ADAMTS14: variants seen among roughly 807,000 people sequenced by gnomAD.
The protein encoded by ADAMTS14 is ADAM metallopeptidase with thrombospondin type 1 motif 14.
Under a neutral mutation model 128.6 loss-of-function variants are expected in ADAMTS14, and 100 were observed. The ratio of observed to expected loss-of-function variants is 0.78; its 90% CI spans 0.66 to 0.92. The LOEUF (loss-of-function observed/expected upper bound fraction) is 0.92, where lower values mean the gene tolerates loss of function less well. Among genes scored for constraint, ADAMTS14 ranks in the 40% least tolerant of loss-of-function variants. The pLI is 0.00. For missense variants in ADAMTS14, 1,562 were observed against 1,658.6 expected (o/e 0.94, Z 1.01); for synonymous variants, 665 against 653.8 (o/e 1.02, Z -0.26).
intron 7 of ADAMTS14, 43 bp from the exon 8 acceptor site, chr10:70,733,842 G>T (rs1444702062): frequency 6.4e-7 from 1 of 1,573,658 alleles, no homozygotes; most frequent in Non-Finnish European, 8.7e-7. Context: ...CCCGGGGCAG[G>T]CTCCTGGGAT....
chr10:70,676,794 T>C (rs1402463521), intron 2 of ADAMTS14, among the ~76,000 whole-genome samples: 1 of 152,124 alleles, frequency 6.6e-6, no homozygotes, highest in Non-Finnish European at 1.5e-5. Flanking sequence ...TCCCAAGTGA[T>C]GTTAGGAATC....
Position 70,753,900 on chromosome 10 carries a change from C to T in ADAMTS14, c.2830C>T (p.His944Tyr), listed in dbSNP as rs1167450015. The T allele has an allele frequency of 3.1e-6, 5 of 1,592,120 alleles. No homozygotes were observed. The East Asian group carries it at 1.1e-4, about 36-fold the overall frequency. The change falls in exon 19 of 22, where the codon CAC (histidine) becomes TAC (tyrosine). Residue 944 changes from histidine (H) to tyrosine (Y), a missense_variant. His to Tyr is a moderately conservative substitution (Grantham distance 83, BLOSUM62 2). Coordinates refer to ENST00000373207, the MANE Select transcript of ADAMTS14 (RefSeq NM_080722.4). Reference sequence around the variant, plus strand: ...CCTGCTGCCCCTCTCCAATGGAACCCACAAGGTCATGCCGGCCAAAGCCTG... The same window carrying T: ...CCTGCTGCCCCTCTCCAATGGAACCTACAAGGTCATGCCGGCCAAAGCCTG... ...QCLLPLSNGT[H>Y]KVMPAKACAG...
chr10:70,757,633 G>T (rs1360445937), intron 19 of ADAMTS14, among the ~76,000 whole-genome samples: 2 of 152,190 alleles, frequency 1.3e-5, no homozygotes, highest in African/African-American at 4.8e-5. Flanking sequence ...GTGCATGCAG[G>T]TGGTAGTAGG....
At chr10:70,719,465 G>A (rs1312118911) in intron 4 of ADAMTS14, among the ~76,000 whole-genome samples, 2 of 151,628 alleles carry the variant, frequency 1.3e-5, no homozygotes, top group Non-Finnish European at 2.9e-5. Context: ...GCAGTGGTGC[G>A]ATCATGGCTC....
intron 2 of ADAMTS14, among the ~76,000 whole-genome samples, chr10:70,691,655 C>T (rs1409939238): frequency 6.6e-6 from 1 of 152,136 alleles, no homozygotes; most frequent in East Asian, 1.9e-4. Flanking sequence ...GCACTATGGA[C>T]CCCCAGCTTG....
At chr10:70,713,382 C>A (rs76206733) in intron 4 of ADAMTS14, among the ~76,000 whole-genome samples, 9,970 of 152,040 alleles carry the variant, frequency 0.066, 436 homozygotes, top group East Asian at 0.16. Flanking sequence ...GGTGACAGAT[C>A]CAGCTCACAC....
At chr10:70,728,758 C>A (rs1841524623) in intron 4 of ADAMTS14, among the ~76,000 whole-genome samples, 1 of 152,230 alleles carries the variant, frequency 6.6e-6, no homozygotes, top group Non-Finnish European at 1.5e-5. Flanking sequence ...GGGTGGGGCC[C>A]AAGACTCTGC....
At chr10:70,745,916 G>A (rs1409742614) in intron 15 of ADAMTS14, among the ~76,000 whole-genome samples, 1 of 152,146 alleles carries the variant, frequency 6.6e-6, no homozygotes, top group Non-Finnish European at 1.5e-5. Flanking sequence ...GTCCTCAACA[G>A]GCTAACCCAG....
In ADAMTS14 at chr10:70,690,837, G is replaced by C. The variant is rs1403308259; in HGVS notation, c.523-11475G>C. ...CCGCTCCTCCGCTCAGGGCCTGGCA[G>C]CCACACCGCCTGCTGGCACTTGAGG... On this transcript the variant is annotated intron_variant, in intron 2 of 21. Coordinates refer to ENST00000373207, the MANE Select transcript of ADAMTS14 (RefSeq NM_080722.4). 1.4e-5 allele frequency among the ~76,000 whole-genome samples: 2 copies of C among 145,238 alleles called. 1 individual carries two copies. The highest frequency in any genetic ancestry group is 3.2e-5 in the Non-Finnish European group (2 of 63,450).
Position 70,760,721 on chromosome 10 carries a change from C to A in ADAMTS14, c.3540C>A (p.Ser1180=). The change falls in exon 22 of 22, where the codon TCC becomes TCA. Residue 1180 remains serine, a synonymous_variant. Coordinates refer to ENST00000373207, the MANE Select transcript of ADAMTS14 (RefSeq NM_080722.4). ...TPIPGASWSI[S]PTTPGGLPWG... is the part of the protein sequence containing the mutation. ...TCCCTGGAGCATCCTGGAGCATCTC[C>A]CCTACCACCCCCGGGGGGCTGCCTT... 1 of 1,614,102 alleles carries A rather than the reference C, an allele frequency of 6.2e-7. No homozygotes were observed. Among genetic ancestry groups the A allele is most frequent in the Non-Finnish European group, 8.5e-7 (1 of 1,180,000 alleles).
chr10:70,686,076 G>A (rs2132547242), intron 2 of ADAMTS14, among the ~76,000 whole-genome samples: 1 of 152,266 alleles, frequency 6.6e-6, no homozygotes, highest in Admixed American at 6.5e-5. Context: ...CTGCTGTTAT[G>A]TACACATTAC....
At chr10:70,722,832 C>T (rs940131806) in intron 4 of ADAMTS14, among the ~76,000 whole-genome samples, 3 of 152,126 alleles carry the variant, frequency 2.0e-5, no homozygotes, top group African/African-American at 7.2e-5. Flanking sequence ...AATAAATAAA[C>T]GAAGAAGGGA....
At chr10:70,684,068 G>C (rs1839888620) in intron 2 of ADAMTS14, among the ~76,000 whole-genome samples, 2 of 151,976 alleles carry the variant, frequency 1.3e-5, no homozygotes, top group African/African-American at 4.8e-5. Flanking sequence ...TACTGGGGAG[G>C]CCTGAGGAAA....
At chr10:70,702,182 G>A (rs1439321183) in intron 2 of ADAMTS14, 130 bp from the exon 3 acceptor site, 1 of 1,346,850 alleles carries the variant, frequency 7.4e-7, no homozygotes, top group African/African-American at 1.5e-5. Flanking sequence ...GGCTCCTCAA[G>A]GTCCTGGAGG....
rs140574723 is a variant in ADAMTS14 at position 70,736,757 on chromosome 10, G to T, written c.1563G>T (p.Gly521=). Residue 521 remains glycine (G), a synonymous_variant, in exon 10 of 22, where the codon GGG becomes GGT. Coordinates refer to ENST00000373207, the MANE Select transcript of ADAMTS14 (RefSeq NM_080722.4). ...DNPYFCKTKK[G]PPLDGTECAP... ...CGTACTTCTGCAAGACCAAGAAGGG[G>T]CCCCCGCTGGATGGGACTGAGTGTG... is the stretch of plus-strand genomic sequence containing the variant. 1.7e-5 allele frequency: 27 copies of T among 1,613,682 alleles called. No individual in the cohort carries two copies. The highest frequency in any genetic ancestry group is 3.3e-4 in the Middle Eastern group (2 of 6,080).
At chr10:70,730,875 G>A (rs1362195887) in intron 6 of ADAMTS14, among the ~76,000 whole-genome samples, 1 of 152,180 alleles carries the variant, frequency 6.6e-6, no homozygotes, top group African/African-American at 2.4e-5. Context: ...GAGCCATGGG[G>A]TGGTGAAGAG....
chr10:70,702,400 A>T lies in ADAMTS14; in HGVS notation c.611A>T (p.His204Leu), dbSNP rs1204244207. ...GAGAAGGAGGCCAGCGGGAGGACACATGTGGTGTACCGCCGGGAGGCCGTC... is the reference window on the plus strand; with the variant it reads ...GAGAAGGAGGCCAGCGGGAGGACACTTGTGGTGTACCGCCGGGAGGCCGTC... Reference protein sequence around the residue: ...QQEKEASGRTHVVYRREAVQQ... With the variant: ...QQEKEASGRTLVVYRREAVQQ... The change falls in exon 3 of 22, where the codon CAT becomes CTT. Residue 204 changes from histidine to leucine, a missense_variant. By Grantham distance (99) the His-to-Leu change is moderately conservative (BLOSUM62 -3). Transcript: ENST00000373207. 1 of 1,613,914 alleles carries T rather than the reference A, an allele frequency of 6.2e-7. No homozygotes were observed. The highest frequency in any genetic ancestry group is 8.5e-7 in the Non-Finnish European group (1 of 1,179,994).
At chr10:70,710,665 GC>G (rs1279358660) in intron 4 of ADAMTS14, among the ~76,000 whole-genome samples, 2 of 152,230 alleles carry the variant, frequency 1.3e-5, no homozygotes, top group Admixed American at 6.5e-5. Flanking sequence ...GACTTTGGGG[GC>G]GAGTTACGAA....
At chr10:70,674,373 A>T (rs938044567) in intron 1 of ADAMTS14, among the ~76,000 whole-genome samples, 183 bp from the exon 2 acceptor site, 1 of 152,186 alleles carries the variant, frequency 6.6e-6, no homozygotes, top group South Asian at 2.1e-4. Flanking sequence ...AACACCCTTC[A>T]TCCAAGTGTA....
Sources: gnomAD v4.1 joint callset for allele counts (sites outside exome capture counted in the v4.1 genomes callset) on GRCh38, gnomAD v4.1.1 for gene constraint, MANE v1.5 for transcripts, NCBI Gene and HGNC (gene_info 2026-07-23, HGNC 2026-07-21) for gene names.